Variants in CELF2 observed in about 807,000 individuals in gnomAD.
CELF2 encodes the protein CUG triplet repeat RNA-binding protein 2.
CELF2 carries 8 observed loss-of-function variants against 62.6 expected under a neutral mutation model. The observed-to-expected ratio is 0.13, with a 90% confidence interval of 0.07 to 0.23. The LOEUF is 0.23. Among genes scored for constraint, CELF2 ranks in the 10% least tolerant of loss-of-function variants. The pLI is 1.00. For missense variants in CELF2, 333 were observed against 671.0 expected, an observed-to-expected ratio of 0.50 and a Z score of 5.56; for synonymous variants, 258 against 250.0, an observed-to-expected ratio of 1.03 and a Z score of -0.30.
intron 1 of CELF2, among the ~76,000 whole-genome samples, chr10:10,908,195 TC>T (rs1176444987): frequency 6.8e-6 from 1 of 147,468 alleles, no homozygotes; most frequent in Non-Finnish European, 1.5e-5. Context: ...CTGCTCCTTG[TC>T]AAAGAATGTA....
chr10:10,511,345 G>C, the CELF2 span, among the ~76,000 whole-genome samples: 1 of 152,128 alleles, frequency 6.6e-6, no homozygotes, highest in Non-Finnish European at 1.5e-5. Context: ...CTGGCAGGTG[G>C]AGGTTGCAGT....
At chr10:10,889,308 T>C (rs1236492732) in intron 1 of CELF2, among the ~76,000 whole-genome samples, 1 of 152,206 alleles carries the variant, frequency 6.6e-6, no homozygotes, top group African/African-American at 2.4e-5. Context: ...GTAATGAAGT[T>C]TCAAATAAAA....
the CELF2 span, among the ~76,000 whole-genome samples, chr10:10,621,077 AAAT>A: frequency 2.0e-5 from 3 of 148,838 alleles, no homozygotes; most frequent in East Asian, 2.0e-4. Flanking sequence ...AAAAAATAAA[AAAT>A]AATAATAATA....
At chr10:10,553,999 T>G in the CELF2 span, among the ~76,000 whole-genome samples, 1 of 152,114 alleles carries the variant, frequency 6.6e-6, no homozygotes, top group Admixed American at 6.5e-5. Context: ...GTCTTGGCCC[T>G]GGGGTGAAGG....
the CELF2 span, among the ~76,000 whole-genome samples, chr10:10,637,858 G>T: frequency 6.6e-6 from 1 of 152,090 alleles, no homozygotes; most frequent in Admixed American, 6.5e-5. Flanking sequence ...CTGAATAGGG[G>T]TTAAGTAGAA....
intron 1 of CELF2, among the ~76,000 whole-genome samples, chr10:11,131,311 C>T (rs1395113586): frequency 6.6e-6 from 1 of 152,126 alleles, no homozygotes; most frequent in Non-Finnish European, 1.5e-5. Flanking sequence ...CACGAGGACT[C>T]CTGGGACTCA....
chr10:10,797,440 T>A (rs888283886), upstream of CELF2, among the ~76,000 whole-genome samples: 10 of 152,068 alleles, frequency 6.6e-5, no homozygotes, highest in Non-Finnish European at 1.3e-4. Flanking sequence ...GGTCTCAGTG[T>A]CTGGGCATAA....
chr10:11,096,872 A>G (rs2142235043), intron 1 of CELF2, among the ~76,000 whole-genome samples: 1 of 152,366 alleles, frequency 6.6e-6, no homozygotes. Flanking sequence ...ACTAATGAGA[A>G]TTCTATACTT....
chr10:10,510,321 C>T, the CELF2 span, among the ~76,000 whole-genome samples: 1 of 152,140 alleles, frequency 6.6e-6, no homozygotes, highest in Non-Finnish European at 1.5e-5. Flanking sequence ...GCTTTTAGCC[C>T]TCTGTGCAAC....
chr10:10,823,293 A>T (rs1466075614), intron 1 of CELF2, among the ~76,000 whole-genome samples: 1 of 152,236 alleles, frequency 6.6e-6, no homozygotes, highest in African/African-American at 2.4e-5. Flanking sequence ...AAAATTCCGT[A>T]TCTGAACATT....
chr10:10,913,737 A>C (rs552937499), intron 1 of CELF2, among the ~76,000 whole-genome samples: 2 of 151,482 alleles, frequency 1.3e-5, no homozygotes, highest in Non-Finnish European at 2.9e-5. Flanking sequence ...TTTATTTGAA[A>C]ATGGATCCAA....
At chr10:10,841,923 C>T (rs1052481629) in intron 1 of CELF2, among the ~76,000 whole-genome samples, 10 of 152,048 alleles carry the variant, frequency 6.6e-5, no homozygotes, top group African/African-American at 1.7e-4. Context: ...TCAAAATGAA[C>T]CCAGACTATT....
rs1024229016 is a variant in CELF2 at position 11,117,889 on chromosome 10, C to T, written c.75-47597C>T. Among the ~76,000 whole-genome samples the T allele has an allele frequency of 7.2e-5, 11 of 152,088 alleles. No homozygotes were observed. Among genetic ancestry groups the T allele is most frequent in the East Asian group, 1.9e-4 (1 of 5,182 alleles). ...TGTCACTCCTCACAGCCTTTTTCTG[C>T]GCTATCCTTTTATACATTTTTTATA... On this transcript the variant is annotated intron_variant, in intron 1 of 12. Coordinates refer to ENST00000633077, the MANE Select transcript of CELF2 (RefSeq NM_001326342.2). The surrounding 1 kb of genome is among the most constrained non-coding windows in gnomAD (Gnocchi z 4.1).
At chr10:10,602,358 G>C in the CELF2 span, among the ~76,000 whole-genome samples, 1 of 151,968 alleles carries the variant, frequency 6.6e-6, no homozygotes, top group East Asian at 1.9e-4. Context: ...ACAAGTCTGG[G>C]GTCCTGACAT....
At position 11,175,259 on chromosome 10, in the gene CELF2, C is replaced by T. The variant is rs914438995; in HGVS notation, c.271+9577C>T. On this transcript the variant is annotated intron_variant, in intron 2 of 12. Coordinates refer to ENST00000633077, the MANE Select transcript of CELF2 (RefSeq NM_001326342.2). ...GAGAGCAGCATGAATCGCAAAGGTC[C>T]GGGAAGGTGAGCCCACATGGAAAGG... Among the ~76,000 whole-genome samples the T allele has an allele frequency of 4.0e-5, 6 of 151,808 alleles. 1 individual carries two copies. In the East Asian group the frequency reaches 7.7e-4, roughly 20 times the overall value.
chr10:10,620,636 C>T, the CELF2 span, among the ~76,000 whole-genome samples: 1 of 152,078 alleles, frequency 6.6e-6, no homozygotes, highest in Non-Finnish European at 1.5e-5. Context: ...GGCGTGGTGG[C>T]TCAGGCCTGT....
chr10:11,228,211 A>C (rs2067270267), intron 3 of CELF2, among the ~76,000 whole-genome samples: 1 of 152,216 alleles, frequency 6.6e-6, no homozygotes, highest in Admixed American at 6.5e-5. Flanking sequence ...AATTCAAGTA[A>C]TTTTAATGAA....
chr10:10,492,425 C>T, the CELF2 span, among the ~76,000 whole-genome samples: 35 of 152,140 alleles, frequency 2.3e-4, 1 homozygote, highest in African/African-American at 7.7e-4. Flanking sequence ...CAAACCTGCA[C>T]GTTGTGCACA....
the CELF2 span, among the ~76,000 whole-genome samples, chr10:10,777,425 G>C: frequency 3.9e-5 from 6 of 152,242 alleles, no homozygotes; most frequent in Admixed American, 3.3e-4. Context: ...CATGTAACAA[G>C]CTGTCCGAGC....
Sources: allele counts gnomAD v4.1 joint callset (sites outside exome capture counted in the v4.1 genomes callset), GRCh38; gene constraint gnomAD v4.1.1; non-coding constraint Gnocchi (gnomAD v3.1); transcripts MANE v1.5; gene names NCBI Gene and HGNC (gene_info 2026-07-23, HGNC 2026-07-21).